PPP2R1B: variants seen among roughly 807,000 people sequenced by gnomAD.
PPP2R1B encodes the protein protein phosphatase 2 scaffold subunit Abeta.
A neutral mutation model predicts 72.7 loss-of-function variants in PPP2R1B; 58 were observed. That is an observed-to-expected ratio of 0.80 (90% confidence interval 0.65 to 0.99). PPP2R1B has a LOEUF of 0.99. Among genes scored for constraint, PPP2R1B ranks in the 50% least tolerant of loss-of-function variants. The pLI is 0.00. For synonymous variants in PPP2R1B, 256 were observed against 264.6 expected (o/e 0.97, Z 0.32); for missense variants, 695 against 733.6 (o/e 0.95, Z 0.61).
downstream of PPP2R1B, among the ~76,000 whole-genome samples, chr11:111,723,255 C>T (rs148687227): frequency 6.6e-5 from 10 of 152,256 alleles, no homozygotes; most frequent in East Asian, 1.4e-3. Flanking sequence ...GGAAAAAACT[C>T]GGAGTCAGAG....
chr11:111,724,923 C>T (rs1418272914), downstream of PPP2R1B: 2 of 152,332 alleles, frequency 1.3e-5, no homozygotes, highest in African/African-American at 2.4e-5. Flanking sequence ...GCATCAAGAG[C>T]ACCAGCCCTG....
chr11:111,703,968 G>A, the PPP2R1B span, among the ~76,000 whole-genome samples: 1 of 152,138 alleles, frequency 6.6e-6, no homozygotes, highest in East Asian at 1.9e-4. Context: ...TCCTCGAATA[G>A]TTAGCATACT....
chr11:111,696,487 A>G, the PPP2R1B span, among the ~76,000 whole-genome samples: 1 of 152,252 alleles, frequency 6.6e-6, no homozygotes, highest in East Asian at 1.9e-4. Context: ...GCCACGTGGC[A>G]TGGCATAAAT....
chr11:111,712,522 C>A, the PPP2R1B span: 1 of 808,962 alleles, frequency 1.2e-6, no homozygotes, highest in Admixed American at 2.9e-5. Context: ...AACCTTAGAA[C>A]AGTGTCCAGG....
intron 3 of PPP2R1B, among the ~76,000 whole-genome samples, chr11:111,763,514 T>C (rs1389236089): frequency 6.6e-6 from 1 of 152,196 alleles, no homozygotes; most frequent in East Asian, 1.9e-4. Flanking sequence ...AGGAAGCTAC[T>C]ACAGCAATCT....
In PPP2R1B at chr11:111,755,443, A is replaced by G. The variant is rs1489056867; in HGVS notation, c.695T>C (p.Val232Ala). Reference sequence around the variant, plus strand: ...ACAAGCTTCCACAGCAAGGAGGCGCACTGAATCCTAAAGGAACAAAATTTC... The same window carrying G: ...ACAAGCTTCCACAGCAAGGAGGCGCGCTGAATCCTAAAGGAACAAAATTTC... The part of the protein sequence containing the change: ...TSLASDEQDS[V>A]RLLAVEACVS... Residue 232 changes from valine to alanine, a missense_variant, in exon 6 of 15, where the codon GTG (valine) becomes GCG (alanine). Val to Ala is a moderately conservative substitution (Grantham distance 64, BLOSUM62 0). Transcript: ENST00000527614. The G allele has an allele frequency of 6.2e-7, 1 of 1,602,404 alleles. No individual in the cohort carries two copies. Among genetic ancestry groups the G allele is most frequent in the African/African-American group, 1.3e-5 (1 of 74,154 alleles).
Position 111,742,092 on chromosome 11 carries a change from C to G in PPP2R1B, c.1750G>C (p.Asp584His). 6.2e-7 allele frequency: 1 copy of G among 1,613,976 alleles called. No homozygotes were observed. Among genetic ancestry groups the G allele is most frequent in the African/African-American group, 1.3e-5 (1 of 75,062 alleles). ...PVLQKLGQDEDMDVKYFAQEA... is the reference protein window; with the variant it reads ...PVLQKLGQDEHMDVKYFAQEA... ...TGTGCAAAGTATTTGACATCCATGT[C>G]TTCATCTTGACCTAACTTCTGTAGT... Residue 584 changes from aspartate to histidine, a missense_variant, in exon 14 of 15, where the codon GAC becomes CAC. Transcript: ENST00000527614.
rs1333916437 is a variant in PPP2R1B, at chr11:111,766,014, G to A, written c.114+234C>T. ...CCGACAACCGCCCGGGAAGGGCAAG[G>A]CTCCGGGCGGACGCCTCAGGGGGTC... On this transcript the variant is annotated intron_variant, in intron 1 of 14. Transcript: ENST00000527614. 6.8e-6 allele frequency: 4 copies of A among 588,014 alleles called. No individual in the cohort carries two copies. The African/African-American group carries it at 7.4e-5, about 11-fold the overall frequency. 36.4% of individuals were successfully genotyped at this position (588,014 alleles called of 1,614,324 possible).
chr11:111,703,087 C>A, the PPP2R1B span: 1 of 834,338 alleles, frequency 1.2e-6, no homozygotes, highest in Non-Finnish European at 1.9e-6. Context: ...TGACCTTCTG[C>A]TTTCCAGTAG....
chr11:111,725,089 G>C (rs1310614841), downstream of PPP2R1B: 1 of 152,594 alleles, frequency 6.6e-6, no homozygotes. Context: ...TTGTATATTT[G>C]GACAGTTTCA....
chr11:111,753,703 T>C (rs1555048715), intron 8 of PPP2R1B, 126 bp from the exon 9 acceptor site: 1 of 961,748 alleles, frequency 1.0e-6, no homozygotes, highest in Non-Finnish European at 1.5e-6. Flanking sequence ...CTTGGCTCAC[T>C]GCAGCCTCAC....
chr11:111,695,462 TCTC>T, the PPP2R1B span, among the ~76,000 whole-genome samples: 1 of 152,214 alleles, frequency 6.6e-6, no homozygotes, highest in Non-Finnish European at 1.5e-5. Context: ...TCTTATTTAA[TCTC>T]CTATTTAAAT....
rs781882991 is a variant in PPP2R1B at position 111,755,324 on chromosome 11, G to A, written c.814C>T (p.Arg272Cys). ...GAAAATCTGTCAGCCACCATATAGCGAACGCGCCAAGATTTATCTTCTGCT... is the reference window on the plus strand; with the variant it reads ...GAAAATCTGTCAGCCACCATATAGCAAACGCGCCAAGATTTATCTTCTGCT... ...QAAEDKSWRV[R>C]YMVADRFSEL... is the part of the protein sequence containing the mutation. The change falls in exon 6 of 15, where the codon CGC becomes TGC. Residue 272 changes from arginine to cysteine, a missense_variant. By Grantham distance (180) the Arg-to-Cys change is radical. Transcript: ENST00000527614. 8.1e-6 allele frequency: 13 copies of A among 1,611,172 alleles called. No individual in the cohort carries two copies. The highest frequency in any genetic ancestry group is 3.4e-5 in the Admixed American group (2 of 59,224).
At position 111,764,883 on chromosome 11, in the gene PPP2R1B, C is replaced by G; in HGVS notation, c.228G>C (p.Glu76Asp). Reference protein sequence around the residue: ...FLTDTIYDEDEVLLALAEQLG... With the variant: ...FLTDTIYDEDDVLLALAEQLG... The stretch of plus-strand genomic sequence containing the variant: ...GCTGCTCAGCAAGAGCTAATAGTAC[C>G]TCATCTTCATCATAAATTGTATCTG... The change falls in exon 3 of 15, where the codon GAG becomes GAC. Residue 76 changes from glutamate to aspartate, a missense_variant. By Grantham distance (45) the Glu-to-Asp change is conservative. Coordinates refer to ENST00000527614, the MANE Select transcript of PPP2R1B (RefSeq NM_002716.5). 1 of 1,613,970 alleles carries G rather than the reference C, an allele frequency of 6.2e-7. No homozygotes were observed. Among genetic ancestry groups the G allele is most frequent in the Non-Finnish European group, 8.5e-7 (1 of 1,180,006 alleles).
intron 5 of PPP2R1B, among the ~76,000 whole-genome samples, chr11:111,758,835 T>C (rs988389394): frequency 6.6e-6 from 1 of 152,158 alleles, no homozygotes; most frequent in African/African-American, 2.4e-5. Context: ...TACATTCATT[T>C]TGTACATTTA....
chr11:111,718,190 C>G, the PPP2R1B span, among the ~76,000 whole-genome samples: 15 of 152,292 alleles, frequency 9.8e-5, no homozygotes, highest in East Asian at 2.9e-3. Flanking sequence ...TAATGATCTT[C>G]TTTTCTCTGT....
Position 111,759,848 on chromosome 11 carries a change from T to C in PPP2R1B, c.643A>G (p.Ser215Gly). 2 of 1,614,126 alleles carry C rather than the reference T, an allele frequency of 1.2e-6. No homozygotes were observed. The highest frequency in any genetic ancestry group is 2.2e-5 in the South Asian group (2 of 91,058). Residue 215 changes from serine to glycine, a missense_variant, in exon 5 of 15, where the codon AGT (serine) becomes GGT (glycine). Transcript: ENST00000527614. ...CTAGTGAACAGTGGAACAATTTCACTTTTCACACTGTCTAATTCCAAAACT... is the reference window on the plus strand; with the variant it reads ...CTAGTGAACAGTGGAACAATTTCACCTTTCACACTGTCTAATTCCAAAACT... ...AKVLELDSVK[S>G]EIVPLFTSLA...
At chr11:111,702,807 C>G in the PPP2R1B span, among the ~76,000 whole-genome samples, 5 of 152,176 alleles carry the variant, frequency 3.3e-5, no homozygotes, top group Non-Finnish European at 5.9e-5. Context: ...CGTTGGAGAG[C>G]TCTTTGCCTC....
chr11:111,705,226 A>G, the PPP2R1B span: 1 of 1,346,780 alleles, frequency 7.4e-7, no homozygotes, highest in East Asian at 2.9e-5. The surrounding 1 kb of genome is among the most constrained non-coding windows in gnomAD (Gnocchi z 4.3). Flanking sequence ...CAGGGTTAGG[A>G]TTTCATCCTC....
Sources: allele counts gnomAD v4.1 joint callset (sites outside exome capture counted in the v4.1 genomes callset), GRCh38; gene constraint gnomAD v4.1.1; non-coding constraint Gnocchi (gnomAD v3.1); transcripts MANE v1.5; gene names NCBI Gene and HGNC (gene_info 2026-07-23, HGNC 2026-07-21).